The following GALNT13 variants were observed in gnomAD, a reference collection of about 807,000 sequenced individuals.
GALNT13 encodes the protein UDP-GalNAc:polypeptide N-acetylgalactosaminyltransferase 13.
A neutral mutation model predicts 64.2 loss-of-function variants in GALNT13; 28 were observed. The observed-to-expected ratio is 0.44, with a 90% CI of 0.32 to 0.60. The LOEUF (loss-of-function observed/expected upper bound fraction) is 0.60. Among genes scored for constraint, GALNT13 ranks in the 20% least tolerant of loss-of-function variants. GALNT13 has a pLI of 0.05. For missense variants in GALNT13, 577 were observed against 669.8 expected (o/e 0.86, Z 1.53); for synonymous variants, 214 against 224.6 (o/e 0.95, Z 0.42).
At chr2:153,219,370 A>AT in the GALNT13 span, among the ~76,000 whole-genome samples, 1 of 152,326 alleles carries the variant, frequency 6.6e-6, no homozygotes, top group Non-Finnish European at 1.5e-5. Flanking sequence ...AGTCTAGACT[A>AT]TTTTTCTCAC....
intron 3 of GALNT13, among the ~76,000 whole-genome samples, chr2:154,073,919 G>A (rs1700863653): frequency 6.6e-6 from 1 of 151,782 alleles, no homozygotes. Flanking sequence ...TGAGAATCTG[G>A]CTAGTTTCTA....
At chr2:153,294,616 G>C in the GALNT13 span, among the ~76,000 whole-genome samples, 3 of 152,170 alleles carry the variant, frequency 2.0e-5, no homozygotes, top group Non-Finnish European at 4.4e-5. Context: ...AACAGATGTT[G>C]AATGTGAGGG....
At chr2:153,548,000 A>C in the GALNT13 span, among the ~76,000 whole-genome samples, 1 of 152,178 alleles carries the variant, frequency 6.6e-6, no homozygotes, top group Non-Finnish European at 1.5e-5. Context: ...GACATCCAAT[A>C]ATTGCTTTCT....
At chr2:153,790,450 C>A in the GALNT13 span, among the ~76,000 whole-genome samples, 1 of 151,908 alleles carries the variant, frequency 6.6e-6, no homozygotes, top group Non-Finnish European at 1.5e-5. Flanking sequence ...AGGAACATAC[C>A]TCAAAATAAT....
the GALNT13 span, among the ~76,000 whole-genome samples, chr2:153,415,979 T>C: frequency 6.6e-6 from 1 of 152,188 alleles, no homozygotes; most frequent in Non-Finnish European, 1.5e-5. Flanking sequence ...TTAATCATTC[T>C]AGGTAATTGT....
chr2:153,224,417 C>A, the GALNT13 span, among the ~76,000 whole-genome samples: 1 of 152,104 alleles, frequency 6.6e-6, no homozygotes, highest in African/African-American at 2.4e-5. Context: ...TCATTTGTAC[C>A]TCAAACCTCA....
chr2:153,241,475 A>G, the GALNT13 span, among the ~76,000 whole-genome samples: 4 of 152,200 alleles, frequency 2.6e-5, no homozygotes, highest in Admixed American at 2.6e-4. Context: ...CTATGTTTCC[A>G]TAAAACAGAA....
the GALNT13 span, among the ~76,000 whole-genome samples, chr2:153,755,290 A>G: frequency 6.6e-6 from 1 of 152,084 alleles, no homozygotes; most frequent in Non-Finnish European, 1.5e-5. Context: ...ATCTTGATCC[A>G]TCCCTCTCCT....
rs1346543560 is a variant in GALNT13, at chr2:154,029,347, T to G, written c.142+84708T>G. ...AGAAGAAAAGCCTTAAACTGCTAAG[T>G]GTAGGACAGCTATTGTCTGAAAAAC... On this transcript the variant is annotated intron_variant, in intron 3 of 12. Coordinates refer to ENST00000392825, the MANE Select transcript of GALNT13 (RefSeq NM_052917.4). Among the ~76,000 whole-genome samples, 4 of 151,784 alleles carry G rather than the reference T, an allele frequency of 2.6e-5. No homozygotes were observed. In the East Asian group the frequency reaches 7.7e-4, roughly 29 times the overall value.
intron 10 of GALNT13, among the ~76,000 whole-genome samples, chr2:154,400,526 T>C (rs799750): frequency 0.35 from 52,616 of 151,976 alleles, 9,589 homozygotes; most frequent in African/African-American, 0.46. Context: ...TATTCAGTTT[T>C]TCTATTATAT....
the GALNT13 span, among the ~76,000 whole-genome samples, chr2:153,690,077 C>A: frequency 6.6e-6 from 1 of 152,024 alleles, no homozygotes; most frequent in Admixed American, 6.6e-5. Context: ...ACAATTAAAG[C>A]TATCTATTGA....
chr2:153,930,937 G>T (rs962562755), intron 2 of GALNT13, among the ~76,000 whole-genome samples: 2 of 151,934 alleles, frequency 1.3e-5, no homozygotes, highest in African/African-American at 4.8e-5. Flanking sequence ...TATCAGTATT[G>T]ATTCTTCCTT....
the GALNT13 span, among the ~76,000 whole-genome samples, chr2:153,255,189 C>T: frequency 1.3e-5 from 2 of 148,822 alleles, no homozygotes; most frequent in East Asian, 3.9e-4. Flanking sequence ...ATAGTTAGCT[C>T]TTCTTGTTGA....
At chr2:154,014,973 T>G (rs1301568212) in intron 3 of GALNT13, among the ~76,000 whole-genome samples, 1 of 152,120 alleles carries the variant, frequency 6.6e-6, no homozygotes, top group African/African-American at 2.4e-5. Context: ...AATATACTTG[T>G]AGTGAAAATA....
rs560340420 is a variant in GALNT13, at chr2:154,063,487, C to T, written c.143-76850C>T. On this transcript the variant is annotated intron_variant, in intron 3 of 12. Coordinates refer to ENST00000392825, the MANE Select transcript of GALNT13 (RefSeq NM_052917.4). ...TGCTGGAATTTTCTTCTTCCCTTTT[C>T]TAAAGGTCATATTTTTCTTGGTCTC... Among the ~76,000 whole-genome samples, 18 of 152,118 alleles carry T rather than the reference C, an allele frequency of 1.2e-4. No individual in the cohort carries two copies. The Middle Eastern group carries it at 0.01, about 86-fold the overall frequency.
the GALNT13 span, among the ~76,000 whole-genome samples, chr2:153,815,616 G>C: frequency 1.3e-5 from 2 of 152,280 alleles, no homozygotes; most frequent in Non-Finnish European, 2.9e-5. Context: ...CATAACACGG[G>C]AGGGGAGGTG....
chr2:153,169,361 C>T, the GALNT13 span, among the ~76,000 whole-genome samples: 1 of 152,210 alleles, frequency 6.6e-6, no homozygotes, highest in Admixed American at 6.5e-5. Context: ...CTAAGGGAGG[C>T]TTTAGGATGG....
intron 3 of GALNT13, among the ~76,000 whole-genome samples, chr2:154,023,172 A>T (rs1697661366): frequency 6.6e-6 from 1 of 152,076 alleles, no homozygotes; most frequent in Non-Finnish European, 1.5e-5. Flanking sequence ...TATTCTGTTG[A>T]TTTGGGGTGG....
At chr2:153,168,612 G>C in the GALNT13 span, among the ~76,000 whole-genome samples, 1 of 152,144 alleles carries the variant, frequency 6.6e-6, no homozygotes, top group African/African-American at 2.4e-5. Flanking sequence ...TAATAATACT[G>C]TTGTTTACTC....
Sources: gnomAD v4.1 joint callset for allele counts (sites outside exome capture counted in the v4.1 genomes callset) on GRCh38, gnomAD v4.1.1 for gene constraint, MANE v1.5 for transcripts, NCBI Gene and HGNC (gene_info 2026-07-23, HGNC 2026-07-21) for gene names.